SLC38A6: variants seen among roughly 807,000 people sequenced by gnomAD.
SLC38A6 encodes the protein solute carrier family 38 member 6, also known as N system amino acid transporter NAT-1.
In SLC38A6, 73 loss-of-function variants were observed where a neutral mutation model predicts 65.0. The ratio of observed to expected loss-of-function variants is 1.12; its 90% CI spans 0.93 to 1.37. SLC38A6 has a LOEUF of 1.37. Among genes scored for constraint, SLC38A6 ranks in the 40% most tolerant of loss-of-function variants. The probability of loss-of-function intolerance (pLI) is 0.00; values close to 1 mark genes in which losing one functional copy is unlikely to be tolerated. For missense variants in SLC38A6, 561 were observed against 531.1 expected (o/e 1.06, Z -0.55); for synonymous variants, 183 against 178.8 (o/e 1.02, Z -0.19).
chr14:61,012,029 G>C (rs1378647981), intron 3 of SLC38A6, among the ~76,000 whole-genome samples: 1 of 152,050 alleles, frequency 6.6e-6, no homozygotes, highest in African/African-American at 2.4e-5. Context: ...TTTTTTGGTT[G>C]GTAGGCTATT....
chr14:61,052,227 A>T (rs978314633), intron 15 of SLC38A6, 92 bp downstream of exon 15: 47 of 1,252,830 alleles, frequency 3.8e-5, no homozygotes, highest in Non-Finnish European at 5.0e-5. Context: ...GAAAGTCAAT[A>T]TATTTTAAAA....
intron 16 of SLC38A6, among the ~76,000 whole-genome samples, chr14:61,081,966 G>T (rs1475439117): frequency 6.6e-6 from 1 of 152,136 alleles, no homozygotes; most frequent in Non-Finnish European, 1.5e-5. Context: ...GGAGAGACAG[G>T]CTGTGCCTCA....
rs767220410 is a variant in SLC38A6, at chr14:61,052,029, T to A, written c.1196-12T>A. The A allele has an allele frequency of 1.2e-6, 2 of 1,600,836 alleles. No homozygotes were observed. Among genetic ancestry groups the A allele is most frequent in the Non-Finnish European group, 1.7e-6 (2 of 1,174,798 alleles). ...AGCAATATCCTCTCTTTTTTTTCCC[T>A]CCACTTTAAAGGTGCCAGTACATCA... is the stretch of plus-strand genomic sequence containing the variant. On this transcript the variant is annotated splice_polypyrimidine_tract_variant and intron_variant, in intron 14 of 15. Transcript: ENST00000267488.
At chr14:60,993,314 G>C (rs566074312) in intron 3 of SLC38A6, among the ~76,000 whole-genome samples, 1 of 152,322 alleles carries the variant, frequency 6.6e-6, no homozygotes, top group Admixed American at 6.5e-5. Flanking sequence ...CAGCTAGCTA[G>C]TTAGAAGAGC....
downstream of SLC38A6, among the ~76,000 whole-genome samples, chr14:61,054,342 GC>G (rs1435394771): frequency 6.6e-6 from 1 of 152,058 alleles, no homozygotes; most frequent in Admixed American, 6.6e-5. Context: ...GCTTAGGATT[GC>G]CCTGGCTATT....
At chr14:61,030,592 T>C in intron 6 of SLC38A6, 69 bp downstream of exon 6, 1 of 1,062,222 alleles carries the variant, frequency 9.4e-7, no homozygotes, top group Non-Finnish European at 1.4e-6. Context: ...AAGCTGTAAA[T>C]GGCAATACTT....
At chr14:61,080,979 G>A (rs567778548) in intron 16 of SLC38A6, among the ~76,000 whole-genome samples, 3 of 152,316 alleles carry the variant, frequency 2.0e-5, no homozygotes, top group African/African-American at 7.2e-5. Context: ...AACACTCACT[G>A]CTATTAATGC....
intron 3 of SLC38A6, among the ~76,000 whole-genome samples, chr14:60,998,464 G>A (rs982432474): frequency 1.3e-5 from 2 of 151,998 alleles, no homozygotes; most frequent in African/African-American, 4.8e-5. Flanking sequence ...GAACTCCAGG[G>A]GAAGATCATC....
intron 3 of SLC38A6, among the ~76,000 whole-genome samples, chr14:61,002,657 G>A (rs768828657): frequency 6.6e-6 from 1 of 152,066 alleles, no homozygotes; most frequent in African/African-American, 2.4e-5. Context: ...TCTTGCTCTC[G>A]CCAAAATATT....
chr14:60,994,037 C>A (rs187644524), intron 3 of SLC38A6, among the ~76,000 whole-genome samples: 1 of 152,284 alleles, frequency 6.6e-6, no homozygotes, highest in African/African-American at 2.4e-5. Context: ...AGTTTTTTAA[C>A]CAAACTAAAT....
intron 3 of SLC38A6, among the ~76,000 whole-genome samples, chr14:60,991,860 C>T (rs368512363): frequency 1.1e-4 from 17 of 152,260 alleles, no homozygotes; most frequent in Admixed American, 5.2e-4. Flanking sequence ...GTGCAGACAT[C>T]GCATCCGTGT....
chr14:61,028,392 A>G (rs568787627), intron 5 of SLC38A6, among the ~76,000 whole-genome samples: 13 of 152,050 alleles, frequency 8.5e-5, no homozygotes, highest in Non-Finnish European at 1.3e-4. Flanking sequence ...CACAAGATAT[A>G]TTTAAGTAAG....
intron 3 of SLC38A6, among the ~76,000 whole-genome samples, chr14:61,012,885 A>G (rs1364594082): frequency 6.6e-6 from 1 of 152,198 alleles, no homozygotes; most frequent in Non-Finnish European, 1.5e-5. Context: ...AGAGTTCTGT[A>G]GATGTCTATT....
At chr14:61,037,729 G>T in intron 8 of SLC38A6, 46 bp downstream of exon 8, 1 of 1,279,252 alleles carries the variant, frequency 7.8e-7, no homozygotes, top group Non-Finnish European at 1.1e-6. Flanking sequence ...ACTAAAATTG[G>T]ACTCATTGTG....
chr14:61,065,111 GGT>G (rs149630138), intron 15 of SLC38A6, among the ~76,000 whole-genome samples: 6 of 150,430 alleles, frequency 4.0e-5, no homozygotes, highest in African/African-American at 7.3e-5. Flanking sequence ...AAATCTTTGG[GGT>G]GTGTGTGTGT....
At chr14:61,083,674 A>T (rs1566745029) in exon 17 of SLC38A6, 1 of 1,550,004 alleles carries the variant, frequency 6.5e-7, no homozygotes, top group Non-Finnish European at 8.7e-7. Flanking sequence ...CCACACCTTG[A>T]TCTTGCACTT....
intron 12 of SLC38A6, among the ~76,000 whole-genome samples, chr14:61,047,999 A>C (rs1276423430): frequency 6.7e-6 from 1 of 149,480 alleles, no homozygotes; most frequent in Non-Finnish European, 1.5e-5. Context: ...ACATACATAC[A>C]TACATACATA....
At chr14:61,028,212 A>C (rs1216579876) in intron 5 of SLC38A6, among the ~76,000 whole-genome samples, 1 of 152,190 alleles carries the variant, frequency 6.6e-6, no homozygotes, top group African/African-American at 2.4e-5. Flanking sequence ...GTCCAAAAGA[A>C]ATAATAGAAA....
intron 3 of SLC38A6, among the ~76,000 whole-genome samples, chr14:61,008,589 A>G (rs1284794984): frequency 1.3e-5 from 2 of 152,206 alleles, no homozygotes; most frequent in Non-Finnish European, 2.9e-5. Context: ...AGGATTATAC[A>G]AATAGTAGCA....
Sources: allele counts gnomAD v4.1 joint callset (sites outside exome capture counted in the v4.1 genomes callset), GRCh38; gene constraint gnomAD v4.1.1; transcripts MANE v1.5; gene names NCBI Gene and HGNC (gene_info 2026-07-23, HGNC 2026-07-21).